Variants in ADGRG1 observed in about 807,000 individuals in gnomAD.
The protein encoded by ADGRG1 is adhesion G protein-coupled receptor G1.
ADGRG1 carries 53 observed loss-of-function variants against 73.5 expected under a neutral mutation model. That is an observed-to-expected ratio of 0.72 (90% CI 0.58 to 0.91). The LOEUF (loss-of-function observed/expected upper bound fraction) is 0.91, where lower values mean the gene tolerates loss of function less well. Among genes scored for constraint, ADGRG1 ranks in the 40% least tolerant of loss-of-function variants. The pLI is 0.00. For missense variants in ADGRG1, 795 were observed against 871.8 expected (o/e 0.91, Z 1.11); for synonymous variants, 394 against 374.4 (o/e 1.05, Z -0.60).
intron 5 of ADGRG1, among the ~76,000 whole-genome samples, chr16:57,654,773 G>A (rs12597692): frequency 0.034 from 5,192 of 152,232 alleles, 249 homozygotes; most frequent in South Asian, 0.16. Context: ...CCAGCTACTC[G>A]GGAGGTTGAG....
At chr16:57,623,898 C>T, upstream of ADGRG1, 1 of 851,674 alleles carries the variant, frequency 1.2e-6, no homozygotes, top group Non-Finnish European at 1.4e-6. Flanking sequence ...CAGGTCCTGA[C>T]TCTGTTGCCA....
intron 10 of ADGRG1, 62 bp from the exon 11 acceptor site, chr16:57,659,351 T>G (rs1351426820): frequency 3.1e-6 from 5 of 1,610,428 alleles, no homozygotes; most frequent in Non-Finnish European, 4.2e-6. Flanking sequence ...CTGGAGGAGA[T>G]GTGGGCACAC....
rs1233581597 is a variant in ADGRG1, at chr16:57,630,410, T to C, written c.-36+1608T>C. The C allele has an allele frequency of 4.1e-6, 4 of 985,444 alleles. No homozygotes were observed. In the African/African-American group the frequency reaches 7.0e-5, roughly 17 times the overall value. 61.0% of individuals were successfully genotyped at this position (985,444 alleles called of 1,614,324 possible). On this transcript the variant is annotated intron_variant, in intron 1 of 13. Coordinates refer to ENST00000562631, the MANE Select transcript of ADGRG1 (RefSeq NM_201525.4). ...GACCCGAGATATGCACCCACCTTGGTCACAGCATCACTGTGGCCCCCTTGC... is the reference window on the plus strand; with the variant it reads ...GACCCGAGATATGCACCCACCTTGGCCACAGCATCACTGTGGCCCCCTTGC...
At chr16:57,637,045 C>T (rs1446257584) in intron 1 of ADGRG1, among the ~76,000 whole-genome samples, 5 of 152,100 alleles carry the variant, frequency 3.3e-5, no homozygotes, top group South Asian at 2.1e-4. Context: ...GAAAAGTGCA[C>T]GCAAAGACCC....
chr16:57,656,334 TG>T, intron 8 of ADGRG1, 63 bp downstream of exon 8: 1 of 932,004 alleles, frequency 1.1e-6, no homozygotes, highest in South Asian at 1.3e-5. Flanking sequence ...TCCTGGGGGG[TG>T]GGGGAGGTGG....
intron 1 of ADGRG1, chr16:57,644,286 C>T (rs1166223034): frequency 4.2e-6 from 3 of 706,416 alleles, no homozygotes; most frequent in Non-Finnish European, 5.2e-6. Flanking sequence ...ACTCATCACA[C>T]ACTCATGCTC....
intron 10 of ADGRG1, 128 bp downstream of exon 10, chr16:57,657,619 C>T: frequency 1.3e-6 from 1 of 799,896 alleles, no homozygotes; most frequent in Non-Finnish European, 2.2e-6. Flanking sequence ...GTTAGGGGAG[C>T]TGTTTGGGGT....
chr16:57,648,475 G>A (rs2043215894), intron 1 of ADGRG1: 5 of 977,524 alleles, frequency 5.1e-6, no homozygotes, highest in South Asian at 4.7e-5. Flanking sequence ...CTGAGAAATT[G>A]GGGTTCCATT....
chr16:57,658,457 G>A (rs1209397389), intron 10 of ADGRG1, among the ~76,000 whole-genome samples: 3 of 152,208 alleles, frequency 2.0e-5, no homozygotes, highest in African/African-American at 4.8e-5. Flanking sequence ...AGGCACCCTC[G>A]GTTCTCACTG....
At chr16:57,650,422 C>T (rs2043752565) in intron 2 of ADGRG1, 71 bp downstream of exon 2, 4 of 1,610,552 alleles carry the variant, frequency 2.5e-6, no homozygotes, top group Admixed American at 1.7e-5. Context: ...AGGGTGGCTG[C>T]CAGCACACAT....
At chr16:57,631,091 C>G (rs1429418363) in intron 1 of ADGRG1, 13 of 973,414 alleles carry the variant, frequency 1.3e-5, no homozygotes, top group African/African-American at 1.9e-5. Flanking sequence ...GTTGGCCAGG[C>G]AGTCCCAGTC....
chr16:57,654,736 C>T (rs531721609), intron 5 of ADGRG1, among the ~76,000 whole-genome samples: 68 of 152,172 alleles, frequency 4.5e-4, no homozygotes, highest in African/African-American at 1.3e-3. Context: ...AAAAATTAGC[C>T]GGGCATGGTA....
upstream of ADGRG1, chr16:57,626,914 G>C (rs1449263944): frequency 3.6e-5 from 35 of 985,304 alleles, no homozygotes; most frequent in Non-Finnish European, 4.2e-5. Flanking sequence ...TGGGCCCCCA[G>C]TGTAGGCTGG....
intron 10 of ADGRG1, chr16:57,659,015 C>T: frequency 3.0e-6 from 3 of 985,226 alleles, no homozygotes; most frequent in Non-Finnish European, 3.6e-6. Context: ...GCAGCCCACA[C>T]TCAGACTCAC....
rs143257214 is a variant in ADGRG1, at chr16:57,657,398, T to A, written c.1193T>A (p.Val398Glu). 3.1e-6 allele frequency: 5 copies of A among 1,613,984 alleles called. No homozygotes were observed. The highest frequency in any genetic ancestry group is 3.4e-6 in the Non-Finnish European group (4 of 1,179,972). The part of the protein sequence containing the change: ...LMVSSVEVDA[V>E]HKHYLSLLSY... Reference sequence around the variant, plus strand: ...GTCTCCTCGGTGGAGGTGGACGCCGTGCACAAGCACTACCTGAGCCTCCTC... The same window carrying A: ...GTCTCCTCGGTGGAGGTGGACGCCGAGCACAAGCACTACCTGAGCCTCCTC... Residue 398 changes from valine to glutamate, a missense_variant, in exon 10 of 14, where the codon GTG becomes GAG. Val to Glu is a moderately radical substitution (Grantham distance 121). Coordinates refer to ENST00000562631, the MANE Select transcript of ADGRG1 (RefSeq NM_201525.4).
chr16:57,640,860 C>T, intron 1 of ADGRG1: 2 of 984,978 alleles, frequency 2.0e-6, no homozygotes, highest in Non-Finnish European at 2.4e-6. Flanking sequence ...TTTGCCAGAC[C>T]TGGGGTAGTT....
Position 57,655,550 on chromosome 16 carries a change from A to G in ADGRG1, c.900+20A>G. ...TTCCAGGTATGGGGTCCTCACCCTC[A>G]TGCCTCCCAGGAGAAAGCAGTTTTT... On this transcript the variant is annotated intron_variant, in intron 6 of 13. Coordinates refer to ENST00000562631, the MANE Select transcript of ADGRG1 (RefSeq NM_201525.4). 1 of 1,613,340 alleles carries G rather than the reference A, an allele frequency of 6.2e-7. No individual in the cohort carries two copies. The highest frequency in any genetic ancestry group is 8.5e-7 in the Non-Finnish European group (1 of 1,180,002).
chr16:57,658,225 C>A (rs939823789), intron 10 of ADGRG1, among the ~76,000 whole-genome samples: 2 of 152,216 alleles, frequency 1.3e-5, no homozygotes, highest in African/African-American at 4.8e-5. Context: ...TCATACTTAA[C>A]GTGTGTCAAA....
intron 1 of ADGRG1, chr16:57,632,679 G>A: frequency 1.7e-6 from 1 of 597,828 alleles, no homozygotes; most frequent in Non-Finnish European, 2.1e-6. Context: ...CAGTGTGGTG[G>A]GCGTCGGGCT....
Sources: gnomAD v4.1 joint callset for allele counts (sites outside exome capture counted in the v4.1 genomes callset) on GRCh38, gnomAD v4.1.1 for gene constraint, MANE v1.5 for transcripts, NCBI Gene and HGNC (gene_info 2026-07-23, HGNC 2026-07-21) for gene names.